The following PCDHGB2 variants were observed in gnomAD, a reference collection of about 807,000 sequenced individuals.
The protein encoded by PCDHGB2 is protocadherin gamma-B2.
In PCDHGB2, 55 loss-of-function variants were observed where a neutral mutation model predicts 59.3. The ratio of observed to expected loss-of-function variants is 0.93; its 90% CI spans 0.75 to 1.16. The LOEUF is 1.16. Among genes scored for constraint, PCDHGB2 ranks in the 50% most tolerant of loss-of-function variants. PCDHGB2 has a pLI of 0.00. For missense variants in PCDHGB2, 1,228 were observed against 1,198.5 expected, an observed-to-expected ratio of 1.02 and a Z score of -0.36; for synonymous variants, 516 against 512.0, an observed-to-expected ratio of 1.01 and a Z score of -0.11.
chr5:141,376,016 G>A, intron 1 of PCDHGB2: 7 of 1,613,318 alleles, frequency 4.3e-6, no homozygotes, highest in Non-Finnish European at 5.9e-6. Flanking sequence ...CCTAGTGGTG[G>A]CCGTCCAGGA....
intron 1 of PCDHGB2, chr5:141,392,883 TGGGAAATC>T (rs1224904365): frequency 3.1e-6 from 5 of 1,613,518 alleles, no homozygotes; most frequent in Non-Finnish European, 4.2e-6. Flanking sequence ...GGGAACGCTG[TGGGAAATC>T]GGGAGGGGAC....
At chr5:141,409,920 C>G in intron 1 of PCDHGB2, 1 of 1,613,400 alleles carries the variant, frequency 6.2e-7, no homozygotes, top group Non-Finnish European at 8.5e-7. Flanking sequence ...GACGGCTCCG[C>G]GTTCTTCGAT....
rs1445450316 is a variant in PCDHGB2, at chr5:141,491,210, C to T, written c.2422-3597C>T. On this transcript the variant is annotated intron_variant, in intron 1 of 3. Coordinates refer to ENST00000522605, the MANE Select transcript of PCDHGB2 (RefSeq NM_018923.3). The surrounding 1 kb of genome is among the most constrained non-coding windows in gnomAD (Gnocchi z 6.9). ...AGGGACAATGGTGACCCTTCACTCT[C>T]CTCCACAGCCACAGTGCTGCTGGTT... The T allele has an allele frequency of 3.7e-6, 6 of 1,614,228 alleles. No homozygotes were observed. Among genetic ancestry groups the T allele is most frequent in the Non-Finnish European group, 3.4e-6 (4 of 1,180,032 alleles).
chr5:141,473,235 C>T (rs1322325327), intron 1 of PCDHGB2, among the ~76,000 whole-genome samples: 1 of 152,132 alleles, frequency 6.6e-6, no homozygotes, highest in Non-Finnish European at 1.5e-5. Flanking sequence ...TGGATCCACA[C>T]AAGTGAATAC....
chr5:141,445,376 A>T (rs1182418123), intron 1 of PCDHGB2, among the ~76,000 whole-genome samples: 1 of 152,220 alleles, frequency 6.6e-6, no homozygotes, highest in Non-Finnish European at 1.5e-5. Context: ...TGGGTGGTTC[A>T]TTCATTCATT....
chr5:141,459,939 G>A (rs377668643), intron 1 of PCDHGB2, among the ~76,000 whole-genome samples: 7 of 152,256 alleles, frequency 4.6e-5, no homozygotes, highest in Non-Finnish European at 7.4e-5. Flanking sequence ...GTAGCTGGGC[G>A]TGATGGCAGG....
intron 1 of PCDHGB2, among the ~76,000 whole-genome samples, chr5:141,437,829 C>T (rs2097913718): frequency 6.6e-6 from 1 of 151,986 alleles, no homozygotes; most frequent in Admixed American, 6.6e-5. Flanking sequence ...CCTCTGCCTC[C>T]TGGGTTCATG....
chr5:141,409,906 T>G (rs779572711), intron 1 of PCDHGB2: 2 of 1,613,096 alleles, frequency 1.2e-6, no homozygotes, highest in African/African-American at 2.7e-5. Flanking sequence ...CAGCTCTGGG[T>G]CCTGACGGCT....
intron 2 of PCDHGB2, among the ~76,000 whole-genome samples, chr5:141,498,971 G>GGAA (rs2099787559): frequency 9.0e-6 from 1 of 110,972 alleles, no homozygotes; most frequent in African/African-American, 3.6e-5. Flanking sequence ...GAGGGAGGGA[G>GGAA]GGAAGGAAGG....
chr5:141,365,592 C>G, intron 1 of PCDHGB2: 5 of 1,613,682 alleles, frequency 3.1e-6, no homozygotes, highest in Non-Finnish European at 4.2e-6. Flanking sequence ...TATAATATCA[C>G]TTTAACCGTC....
chr5:141,505,883 T>C (rs1225759976), intron 3 of PCDHGB2, among the ~76,000 whole-genome samples: 1 of 152,118 alleles, frequency 6.6e-6, no homozygotes, highest in East Asian at 1.9e-4. Flanking sequence ...GTTGTAGAGA[T>C]TAAATGAGAT....
chr5:141,417,226 T>A (rs966071761), intron 1 of PCDHGB2: 4 of 152,134 alleles, frequency 2.6e-5, no homozygotes, highest in Admixed American at 1.3e-4. Flanking sequence ...GACAAAAAAA[T>A]TTGTTGCTTA....
intron 1 of PCDHGB2, among the ~76,000 whole-genome samples, chr5:141,461,958 G>C (rs1048690044): frequency 4.5e-4 from 69 of 152,272 alleles, no homozygotes; most frequent in Non-Finnish European, 2.9e-4. Context: ...TGAGTAGCTG[G>C]GATTCCAGGC....
intron 1 of PCDHGB2, chr5:141,392,144 A>G (rs1172213450): frequency 6.6e-6 from 1 of 152,224 alleles, no homozygotes; most frequent in Admixed American, 6.5e-5. Flanking sequence ...AGTAGTTTAA[A>G]CCAAATAAAA....
At position 141,361,454 on chromosome 5, in the gene PCDHGB2, T is replaced by A. The variant is rs780424534; in HGVS notation, c.1319T>A (p.Leu440Gln). Reference sequence around the variant, plus strand: ...CTCTCCTCCAGCATAATTGTCACCCTGCACATCTCCGACGTCAACGATAAT... The same window carrying A: ...CTCTCCTCCAGCATAATTGTCACCCAGCACATCTCCGACGTCAACGATAAT... ...PPLSSSIIVTLHISDVNDNAP... is the reference protein window; with the variant it reads ...PPLSSSIIVTQHISDVNDNAP... Residue 440 changes from leucine (L) to glutamine (Q), a missense_variant, in exon 1 of 4, where the codon CTG (leucine) becomes CAG (glutamine). By Grantham distance (113) the Leu-to-Gln change is moderately radical. Coordinates refer to ENST00000522605, the MANE Select transcript of PCDHGB2 (RefSeq NM_018923.3). 2 of 1,614,026 alleles carry A rather than the reference T, an allele frequency of 1.2e-6. No individual in the cohort carries two copies. The highest frequency in any genetic ancestry group is 1.7e-6 in the Non-Finnish European group (2 of 1,179,884).
intron 1 of PCDHGB2, chr5:141,371,812 A>G: frequency 6.2e-7 from 1 of 1,613,904 alleles, no homozygotes; most frequent in Non-Finnish European, 8.5e-7. Flanking sequence ...TCCATTGCGC[A>G]TGTCAGAGCC....
At chr5:141,399,008 G>A (rs2093737383) in intron 1 of PCDHGB2, 4 of 1,613,904 alleles carry the variant, frequency 2.5e-6, no homozygotes, top group African/African-American at 1.3e-5. Flanking sequence ...AATTCAAAGA[G>A]CGGAGAAATT....
intron 1 of PCDHGB2, among the ~76,000 whole-genome samples, chr5:141,448,604 A>G (rs954578256): frequency 1.3e-5 from 2 of 152,118 alleles, no homozygotes; most frequent in Non-Finnish European, 2.9e-5. Flanking sequence ...AATACTATAC[A>G]CCACTTTATA....
At chr5:141,420,250 A>G (rs757203976) in intron 1 of PCDHGB2, 2 of 1,578,784 alleles carry the variant, frequency 1.3e-6, no homozygotes, top group South Asian at 1.2e-5. Context: ...CCAGCGTTGA[A>G]GCAGATAAGA....
Sources: gnomAD v4.1 joint callset for allele counts (sites outside exome capture counted in the v4.1 genomes callset) on GRCh38, gnomAD v4.1.1 for gene constraint, Gnocchi (gnomAD v3.1) non-coding constraint, MANE v1.5 for transcripts, NCBI Gene and HGNC (gene_info 2026-07-23, HGNC 2026-07-21) for gene names.